SHLD1: variants seen among roughly 807,000 people sequenced by gnomAD.
The protein encoded by SHLD1 is shieldin complex subunit 1.
In SHLD1, 3 loss-of-function variants were observed where a neutral mutation model predicts 5.5. That is an observed-to-expected ratio of 0.54 (90% CI 0.25 to 1.40). The LOEUF is 1.40. Among genes scored for constraint, SHLD1 ranks in the 40% most tolerant of loss-of-function variants. The probability of loss-of-function intolerance (pLI) is 0.15; values close to 1 mark genes in which losing one functional copy is unlikely to be tolerated. For synonymous variants in SHLD1, 92 were observed against 94.3 expected (o/e 0.98, Z 0.14); for missense variants, 210 against 244.4 (o/e 0.86, Z 0.94).
chr20:5,828,470 A>G (rs1195475652), intron 2 of SHLD1, among the ~76,000 whole-genome samples: 2 of 149,160 alleles, frequency 1.3e-5, no homozygotes, highest in East Asian at 2.0e-4. Flanking sequence ...CCCTCAAACC[A>G]TTTCCTGCTG....
At chr20:5,852,812 A>T (rs560708734) in intron 2 of SHLD1, among the ~76,000 whole-genome samples, 35 of 152,254 alleles carry the variant, frequency 2.3e-4, no homozygotes, top group East Asian at 1.7e-3. Flanking sequence ...AAAGTTTTTT[A>T]AAAAAATCCT....
chr20:5,767,823 T>C (rs1984926718), intron 1 of SHLD1, among the ~76,000 whole-genome samples: 1 of 151,854 alleles, frequency 6.6e-6, no homozygotes, highest in African/African-American at 2.4e-5. Context: ...ACCTTGGAGG[T>C]TTCCAGAGCT....
intron 2 of SHLD1, among the ~76,000 whole-genome samples, chr20:5,810,448 G>A (rs919594080): frequency 2.6e-5 from 4 of 152,014 alleles, no homozygotes; most frequent in African/African-American, 9.7e-5. Flanking sequence ...TTTGTGAAAT[G>A]AGAGCATTTG....
At chr20:5,817,432 C>CTCTCTGTG (rs1473391202) in intron 2 of SHLD1, among the ~76,000 whole-genome samples, 125 of 85,658 alleles carry the variant, frequency 1.5e-3, no homozygotes, top group East Asian at 6.7e-3. Flanking sequence ...CTCTCTCTCT[C>CTCTCTGTG]TGTGTGTGTG....
At chr20:5,844,793 A>ATT (rs1167953728) in intron 2 of SHLD1, among the ~76,000 whole-genome samples, 30 of 96,164 alleles carry the variant, frequency 3.1e-4, no homozygotes, top group African/African-American at 1.9e-3. Context: ...ATATATATAT[A>ATT]TATATATTTT....
At chr20:5,798,737 C>A (rs1391368756) in intron 2 of SHLD1, among the ~76,000 whole-genome samples, 1 of 151,932 alleles carries the variant, frequency 6.6e-6, no homozygotes. Flanking sequence ...CCTGGCTCAA[C>A]CTCCAGAGTA....
At chr20:5,824,746 C>T (rs1353476071) in intron 2 of SHLD1, among the ~76,000 whole-genome samples, 1 of 151,500 alleles carries the variant, frequency 6.6e-6, no homozygotes, top group African/African-American at 2.4e-5. Context: ...CTCCAATTTT[C>T]TGTAACATGG....
At position 5,853,502 on chromosome 20, in the gene SHLD1, T is replaced by C. The variant is rs554083199; in HGVS notation, c.179-9522T>C. Reference sequence around the variant, plus strand: ...TGTGTGTGTGTGTATTTAGGTGATATTAGGTTTGTTGTTTTTCATTCAAGA... The same window carrying C: ...TGTGTGTGTGTGTATTTAGGTGATACTAGGTTTGTTGTTTTTCATTCAAGA... On this transcript the variant is annotated intron_variant, in intron 2 of 2. Transcript: ENST00000303142. 7.9e-5 allele frequency among the ~76,000 whole-genome samples: 12 copies of C among 152,218 alleles called. No homozygotes were observed. In the South Asian group the frequency reaches 2.3e-3, roughly 29 times the overall value.
chr20:5,817,487 G>A (rs1192012437), intron 2 of SHLD1, among the ~76,000 whole-genome samples: 1 of 147,076 alleles, frequency 6.8e-6, no homozygotes, highest in Non-Finnish European at 1.5e-5. Context: ...GATTACAGGC[G>A]TGAGCCACTG....
chr20:5,804,964 A>G (rs546418431), intron 2 of SHLD1, among the ~76,000 whole-genome samples: 1 of 152,222 alleles, frequency 6.6e-6, no homozygotes, highest in Non-Finnish European at 1.5e-5. Context: ...GCAGCATTCC[A>G]CAGTGATCAG....
At chr20:5,766,867 A>G (rs1423229875) in intron 1 of SHLD1, among the ~76,000 whole-genome samples, 1 of 152,130 alleles carries the variant, frequency 6.6e-6, no homozygotes, top group Non-Finnish European at 1.5e-5. Flanking sequence ...TGCCTCCCAA[A>G]GTGCTAGGAT....
intron 1 of SHLD1, among the ~76,000 whole-genome samples, chr20:5,763,566 C>T (rs932556773): frequency 1.3e-5 from 2 of 152,144 alleles, no homozygotes; most frequent in Non-Finnish European, 2.9e-5. Flanking sequence ...TGACGATTCT[C>T]CTGCCTGTTC....
intron 1 of SHLD1, among the ~76,000 whole-genome samples, chr20:5,767,689 G>A (rs1984919272): frequency 6.6e-6 from 1 of 152,184 alleles, no homozygotes; most frequent in South Asian, 2.1e-4. Context: ...ATGTGCCCAT[G>A]GCACTCATGA....
At chr20:5,792,928 G>T (rs1359769980) in intron 2 of SHLD1, among the ~76,000 whole-genome samples, 2 of 152,090 alleles carry the variant, frequency 1.3e-5, no homozygotes, top group Admixed American at 1.3e-4. Flanking sequence ...GCCCACCTCG[G>T]CCTCCCAAAC....
chr20:5,796,788 C>T (rs963000397), intron 2 of SHLD1, among the ~76,000 whole-genome samples: 6 of 150,008 alleles, frequency 4.0e-5, no homozygotes, highest in Non-Finnish European at 7.4e-5. Flanking sequence ...ATAATTGCAC[C>T]ACTGCACTCC....
At chr20:5,770,739 C>A (rs555126943) in intron 1 of SHLD1, among the ~76,000 whole-genome samples, 1 of 152,312 alleles carries the variant, frequency 6.6e-6, no homozygotes, top group East Asian at 1.9e-4. Flanking sequence ...GGGTCTGCAT[C>A]CATTGCTGTT....
chr20:5,790,914 G>A (rs2087129193), intron 2 of SHLD1, among the ~76,000 whole-genome samples: 1 of 152,150 alleles, frequency 6.6e-6, no homozygotes, highest in South Asian at 2.1e-4. Context: ...TGTACTCCCA[G>A]CACTTTGGGA....
chr20:5,769,201 C>G (rs998510755), intron 1 of SHLD1, among the ~76,000 whole-genome samples: 1 of 152,188 alleles, frequency 6.6e-6, no homozygotes. Flanking sequence ...GCCACTGCAC[C>G]CAGCCTTATC....
intron 2 of SHLD1, among the ~76,000 whole-genome samples, chr20:5,816,438 A>C (rs914266187): frequency 6.6e-6 from 1 of 152,210 alleles, no homozygotes; most frequent in Non-Finnish European, 1.5e-5. Flanking sequence ...ATGCTGAATG[A>C]ATAAATTTGG....
Sources: gnomAD v4.1 joint callset for allele counts (sites outside exome capture counted in the v4.1 genomes callset) on GRCh38, gnomAD v4.1.1 for gene constraint, MANE v1.5 for transcripts, NCBI Gene and HGNC (gene_info 2026-07-23, HGNC 2026-07-21) for gene names.